Variants in GABRA2 observed in about 807,000 individuals in gnomAD.
GABRA2 encodes the protein gamma-aminobutyric acid type A receptor subunit alpha2.
GABRA2 carries 16 observed loss-of-function variants against 48.7 expected under a neutral mutation model. The ratio of observed to expected loss-of-function variants is 0.33; its 90% CI spans 0.22 to 0.50. The LOEUF (loss-of-function observed/expected upper bound fraction) is 0.50, where lower values mean the gene tolerates loss of function less well. GABRA2 is among the 20% of genes least tolerant of loss of function. The probability of loss-of-function intolerance (pLI) is 0.98; values close to 1 mark genes in which losing one functional copy is unlikely to be tolerated. For synonymous variants in GABRA2, 185 were observed against 184.5 expected (o/e 1.00, Z -0.02); for missense variants, 275 against 535.6 (o/e 0.51, Z 4.80).
chr4:46,346,413 A>T (rs1435924659), intron 3 of GABRA2, among the ~76,000 whole-genome samples: 1 of 151,532 alleles, frequency 6.6e-6, no homozygotes, highest in African/African-American at 2.4e-5. Flanking sequence ...AATAAAAAAA[A>T]CTCGGCAAGT....
intron 3 of GABRA2, among the ~76,000 whole-genome samples, chr4:46,335,476 G>A (rs1238662034): frequency 6.6e-6 from 1 of 151,782 alleles, no homozygotes; most frequent in Non-Finnish European, 1.5e-5. Flanking sequence ...CTCTTTTTTT[G>A]TTGTTTTTGT....
intron 3 of GABRA2, among the ~76,000 whole-genome samples, chr4:46,340,142 TACC>T: frequency 6.6e-6 from 1 of 151,908 alleles, no homozygotes; most frequent in Non-Finnish European, 1.5e-5. Flanking sequence ...CTCTTAAAGC[TACC>T]ATCATCTGTC....
At chr4:46,384,416 CA>C (rs1227190330) in intron 3 of GABRA2, among the ~76,000 whole-genome samples, 1 of 152,104 alleles carries the variant, frequency 6.6e-6, no homozygotes, top group African/African-American at 2.4e-5. Flanking sequence ...TATTTGAATG[CA>C]AGCGTTGGAA....
At chr4:46,369,341 G>A (rs1043239747) in intron 3 of GABRA2, among the ~76,000 whole-genome samples, 1 of 152,076 alleles carries the variant, frequency 6.6e-6, no homozygotes, top group Non-Finnish European at 1.5e-5. Flanking sequence ...CATTTTATTG[G>A]ATTCCAAATG....
chr4:46,353,672 T>C (rs1210443502), intron 3 of GABRA2, among the ~76,000 whole-genome samples: 1 of 152,124 alleles, frequency 6.6e-6, no homozygotes, highest in Non-Finnish European at 1.5e-5. Context: ...CAGTCATCCA[T>C]ATAGGTGACT....
At chr4:46,269,109 G>A (rs1718807797) in intron 8 of GABRA2, among the ~76,000 whole-genome samples, 1 of 151,744 alleles carries the variant, frequency 6.6e-6, no homozygotes, top group Admixed American at 6.6e-5. Flanking sequence ...TAATTTTGAT[G>A]TTTTTTTGAG....
intron 8 of GABRA2, among the ~76,000 whole-genome samples, chr4:46,285,936 G>T (rs766806165): frequency 1.7e-4 from 26 of 152,006 alleles, no homozygotes; most frequent in Admixed American, 1.2e-3. Flanking sequence ...TTAAGCTCAT[G>T]AATTTTAAAA....
Position 46,324,706 on chromosome 4 carries a change from T to C in GABRA2, c.255+7909A>G, listed in dbSNP as rs146213794. Among the ~76,000 whole-genome samples the C allele has an allele frequency of 3.3e-5, 5 of 151,940 alleles. No homozygotes were observed. The East Asian group carries it at 7.8e-4, about 24-fold the overall frequency. ...TGAACACAGTATCCATAGGTAGTTT[T>C]TCAACCCTCCCCCTCCCTCTCCATC... On this transcript the variant is annotated intron_variant, in intron 4 of 9. Transcript: ENST00000381620.
intron 8 of GABRA2, among the ~76,000 whole-genome samples, chr4:46,271,556 C>T (rs1719339118): frequency 6.6e-6 from 1 of 151,940 alleles, no homozygotes; most frequent in South Asian, 2.1e-4. Context: ...GATAAAATCA[C>T]TGGAATTTCT....
chr4:46,388,714 G>A lies in GABRA2; in HGVS notation c.-8C>T. 6.2e-7 allele frequency: 1 copy of A among 1,613,916 alleles called. No individual in the cohort carries two copies. ...GTTCAATTTTGTCTTCATCACCGCC[G>A]CTCTTTACAAAGCCATGGAATGAAA... On this transcript the variant is annotated splice_region_variant and 5_prime_UTR_variant, in exon 2 of 10. Coordinates refer to ENST00000381620, the MANE Select transcript of GABRA2 (RefSeq NM_000807.4).
chr4:46,355,186 A>G (rs773942371), intron 3 of GABRA2, among the ~76,000 whole-genome samples: 3 of 152,098 alleles, frequency 2.0e-5, no homozygotes, highest in Non-Finnish European at 2.9e-5. Context: ...CCAATGTCTT[A>G]CTTTATTTTT....
intron 3 of GABRA2, among the ~76,000 whole-genome samples, chr4:46,352,144 G>A (rs1735236581): frequency 6.6e-6 from 1 of 151,968 alleles, no homozygotes; most frequent in Non-Finnish European, 1.5e-5. Flanking sequence ...ACGTGGGACG[G>A]TTAGACTTTT....
At chr4:46,363,122 C>A (rs770992612) in intron 3 of GABRA2, among the ~76,000 whole-genome samples, 12 of 151,992 alleles carry the variant, frequency 7.9e-5, no homozygotes, top group Non-Finnish European at 1.5e-4. Flanking sequence ...AAGACATACA[C>A]CAAATCACTT....
rs906015114 is a variant in GABRA2 at position 46,248,026 on chromosome 4, G to T, written c.*2282C>A. Among the ~76,000 whole-genome samples, 5 of 151,208 alleles carry T rather than the reference G, an allele frequency of 3.3e-5. No homozygotes were observed. The highest frequency in any genetic ancestry group is 1.2e-4 in the African/African-American group (5 of 41,320). On this transcript the variant is annotated 3_prime_UTR_variant, in exon 10 of 10. Coordinates refer to ENST00000381620, the MANE Select transcript of GABRA2 (RefSeq NM_000807.4). ...CAGTGATAAGTTTTCTGGTCAATCT[G>T]CCATAAATGCTAATAATACTGGTGC... is the stretch of plus-strand genomic sequence containing the variant.
intron 9 of GABRA2, chr4:46,261,689 A>G (rs1717010637): frequency 3.4e-6 from 2 of 594,752 alleles, no homozygotes; most frequent in South Asian, 4.3e-5. Flanking sequence ...TAAAACACTT[A>G]GCACAGTGCC....
In GABRA2 at chr4:46,291,777, A is replaced by ATATATATG. The variant is rs1491404611; in HGVS notation, c.856+11682_856+11683insCATATATA. On this transcript the variant is annotated intron_variant, in intron 8 of 9. Coordinates refer to ENST00000381620, the MANE Select transcript of GABRA2 (RefSeq NM_000807.4). ...GTTAATACTATTAATAAACACACAC[A>ATATATATG]TATATATATATATACATATACATAT... is the stretch of plus-strand genomic sequence containing the variant. Among the ~76,000 whole-genome samples the ATATATATG allele has an allele frequency of 4.7e-3, 270 of 57,320 alleles. 1 individual carries two copies. Among genetic ancestry groups the ATATATATG allele is most frequent in the African/African-American group, 0.012 (246 of 20,036 alleles). 37.6% of individuals were successfully genotyped at this position (57,320 alleles called of 152,430 possible).
chr4:46,323,824 A>T (rs1032008182), intron 4 of GABRA2, among the ~76,000 whole-genome samples: 2 of 151,968 alleles, frequency 1.3e-5, no homozygotes, highest in Non-Finnish European at 2.9e-5. Flanking sequence ...AATCAGAAAA[A>T]AAAAATTAAA....
chr4:46,312,654 A>G lies in GABRA2; in HGVS notation c.318T>C (p.Gly106=). The G allele has an allele frequency of 6.5e-7, 1 of 1,527,154 alleles. No individual in the cohort carries two copies. 94.6% of individuals were successfully genotyped at this position (1,527,154 alleles called of 1,614,324 possible). A position where few individuals can be genotyped will look rare whatever the true frequency, so the allele number is the denominator to read the frequency against. The change falls in exon 5 of 10, where the codon GGT becomes GGC. Residue 106 remains glycine (G), a synonymous_variant. Coordinates refer to ENST00000381620, the MANE Select transcript of GABRA2 (RefSeq NM_000807.4). The part of the protein sequence containing the change: ...KWKDERLKFK[G]PMNILRLNNL... ...TGTTTAGTCGAAGGATATTCATAGG[A>G]CCTTTAAATTTTAAACGTTCATCTT...
chr4:46,273,514 T>TGC (rs1719868644), intron 8 of GABRA2, among the ~76,000 whole-genome samples: 1 of 34,074 alleles, frequency 2.9e-5, no homozygotes, highest in African/African-American at 9.8e-5. Flanking sequence ...TATATATATA[T>TGC]ATATATATAT....
Sources: allele counts gnomAD v4.1 joint callset (sites outside exome capture counted in the v4.1 genomes callset), GRCh38; gene constraint gnomAD v4.1.1; transcripts MANE v1.5; gene names NCBI Gene and HGNC (gene_info 2026-07-23, HGNC 2026-07-21).